Variants in OXR1 observed in about 807,000 individuals in gnomAD.
The protein encoded by OXR1 is oxidation resistance protein 1.
In OXR1, 41 loss-of-function variants were observed where a neutral mutation model predicts 104.6. The ratio of observed to expected loss-of-function variants is 0.39; its 90% confidence interval spans 0.31 to 0.51. OXR1 has a LOEUF of 0.51. OXR1 is among the 20% of genes least tolerant of loss of function. The probability of loss-of-function intolerance (pLI) is 0.77; values close to 1 mark genes in which losing one functional copy is unlikely to be tolerated. For synonymous variants in OXR1, 348 were observed against 348.4 expected, an observed-to-expected ratio of 1.00 and a Z score of 0.01; for missense variants, 955 against 1,031.9, an observed-to-expected ratio of 0.93 and a Z score of 1.02.
chr8:106,298,982 A>G (rs537955881), intron 1 of OXR1, among the ~76,000 whole-genome samples: 4 of 152,044 alleles, frequency 2.6e-5, no homozygotes, highest in Non-Finnish European at 4.4e-5. Context: ...TATATGTAAT[A>G]ACATTGCTTA....
At chr8:106,307,404 C>A (rs866242670) in intron 1 of OXR1, among the ~76,000 whole-genome samples, 1 of 152,124 alleles carries the variant, frequency 6.6e-6, no homozygotes, top group African/African-American at 2.4e-5. Flanking sequence ...TTTGCTAGTC[C>A]TTTTTCCTCC....
At chr8:106,578,987 C>CTTT (rs71307073) in intron 3 of OXR1, among the ~76,000 whole-genome samples, 2 of 137,910 alleles carry the variant, frequency 1.5e-5, no homozygotes, top group African/African-American at 2.7e-5. Context: ...CTTTTTCTTT[C>CTTT]TTTTTTTTTT....
At chr8:106,409,025 C>G (rs1004695975) in intron 2 of OXR1, among the ~76,000 whole-genome samples, 2 of 152,148 alleles carry the variant, frequency 1.3e-5, no homozygotes, top group Non-Finnish European at 2.9e-5. Context: ...TCCCTTGTAT[C>G]TACTCCTTGC....
intron 2 of OXR1, among the ~76,000 whole-genome samples, chr8:106,395,147 G>C (rs971278021): frequency 2.0e-5 from 3 of 152,252 alleles, no homozygotes; most frequent in South Asian, 4.1e-4. Flanking sequence ...TTTGATGTAT[G>C]TGTATGTTTT....
At chr8:106,487,555 C>T (rs545124290) in intron 2 of OXR1, among the ~76,000 whole-genome samples, 79 of 151,588 alleles carry the variant, frequency 5.2e-4, no homozygotes, top group Middle Eastern at 3.4e-3. Flanking sequence ...GTATATCTCC[C>T]GATGCTATCC....
chr8:106,368,976 C>T (rs1313601076), intron 2 of OXR1, among the ~76,000 whole-genome samples: 1 of 152,212 alleles, frequency 6.6e-6, no homozygotes, highest in Non-Finnish European at 1.5e-5. Context: ...GGAATCACCA[C>T]AGTGTCTTCC....
intron 3 of OXR1, among the ~76,000 whole-genome samples, chr8:106,523,761 AGAAAATGGAGTG>A (rs1813432057): frequency 6.6e-6 from 1 of 151,192 alleles, no homozygotes; most frequent in Non-Finnish European, 1.5e-5. Context: ...GGTAAATAGA[AGAAAATGGAGTG>A]GAAATTTTTT....
At chr8:106,395,991 C>A (rs758161910) in intron 2 of OXR1, among the ~76,000 whole-genome samples, 2 of 152,000 alleles carry the variant, frequency 1.3e-5, no homozygotes, top group East Asian at 1.9e-4. Context: ...AGACTGGAAC[C>A]ATTAAAGCAG....
intron 1 of OXR1, among the ~76,000 whole-genome samples, chr8:106,324,777 G>C (rs1241308630): frequency 2.0e-5 from 3 of 152,076 alleles, no homozygotes; most frequent in Non-Finnish European, 2.9e-5. Flanking sequence ...CTAGGCTTGG[G>C]CAAACTTTTT....
chr8:106,277,558 A>G (rs1237275274), intron 1 of OXR1, among the ~76,000 whole-genome samples: 2 of 152,232 alleles, frequency 1.3e-5, no homozygotes, highest in African/African-American at 4.8e-5. Flanking sequence ...AAAGAGAGAC[A>G]TGATTCATGA....
At chr8:106,542,049 A>T (rs1291134251) in intron 3 of OXR1, among the ~76,000 whole-genome samples, 1 of 152,174 alleles carries the variant, frequency 6.6e-6, no homozygotes, top group Admixed American at 6.5e-5. Context: ...TAGAGTAAGG[A>T]CTTGAGTCTA....
Position 106,622,485 on chromosome 8 carries a change from A to ACACC in OXR1, c.221-56724_221-56723insACCC, listed in dbSNP as rs142740821. ...CACACACACACACACACACACACAC[A>ACACC]CCCCTTACTTCATATAATTCCCCCG... is the stretch of plus-strand genomic sequence containing the variant. On this transcript the variant is annotated intron_variant, in intron 3 of 16. Coordinates refer to ENST00000517566, the MANE Select transcript of OXR1 (RefSeq NM_001198533.2). 4.1e-3 allele frequency among the ~76,000 whole-genome samples: 543 copies of ACACC among 131,438 alleles called. 1 individual carries two copies. The highest frequency in any genetic ancestry group is 0.019 in the East Asian group (83 of 4,462). 86.2% of individuals were successfully genotyped at this position (131,438 alleles called of 152,430 possible).
intron 2 of OXR1, among the ~76,000 whole-genome samples, chr8:106,443,213 TTGAG>T (rs1201727532): frequency 6.6e-6 from 1 of 152,210 alleles, no homozygotes; most frequent in Non-Finnish European, 1.5e-5. Context: ...TTTTGTGGTT[TTGAG>T]TGAGTTTCTT....
chr8:106,563,296 C>CAAA (rs145929849), intron 3 of OXR1, among the ~76,000 whole-genome samples: 4 of 125,772 alleles, frequency 3.2e-5, no homozygotes, highest in African/African-American at 8.9e-5. Flanking sequence ...AAATGGAAAG[C>CAAA]AAAAAAAAAA....
chr8:106,451,498 A>T (rs1182797322), intron 2 of OXR1, among the ~76,000 whole-genome samples: 2 of 152,178 alleles, frequency 1.3e-5, no homozygotes, highest in Non-Finnish European at 2.9e-5. Context: ...ATAATCATTC[A>T]CTTGGAAGCC....
At chr8:106,417,249 T>G (rs1037217463) in intron 2 of OXR1, among the ~76,000 whole-genome samples, 6 of 152,154 alleles carry the variant, frequency 3.9e-5, no homozygotes, top group African/African-American at 1.4e-4. Flanking sequence ...TTTAACATGA[T>G]AGCTGGCAGA....
At chr8:106,544,412 T>C (rs1815191832) in intron 3 of OXR1, among the ~76,000 whole-genome samples, 1 of 152,186 alleles carries the variant, frequency 6.6e-6, no homozygotes, top group Non-Finnish European at 1.5e-5. Context: ...CCTATTTCAG[T>C]GTTTTCACTT....
At chr8:106,465,664 A>C (rs1821135820) in intron 2 of OXR1, among the ~76,000 whole-genome samples, 1 of 151,986 alleles carries the variant, frequency 6.6e-6, no homozygotes, top group Admixed American at 6.6e-5. Context: ...GTGGAGTGTA[A>C]GAAAAAGAGA....
intron 3 of OXR1, among the ~76,000 whole-genome samples, chr8:106,643,709 G>A (rs1486930654): frequency 6.6e-6 from 1 of 152,126 alleles, no homozygotes; most frequent in Non-Finnish European, 1.5e-5. Context: ...GAAATGTCAT[G>A]TGGCAGCATT....
Sources: gnomAD v4.1 joint callset for allele counts (sites outside exome capture counted in the v4.1 genomes callset) on GRCh38, gnomAD v4.1.1 for gene constraint, MANE v1.5 for transcripts, NCBI Gene and HGNC (gene_info 2026-07-23, HGNC 2026-07-21) for gene names.